PIK3C2B: variants seen among roughly 807,000 people sequenced by gnomAD.
PIK3C2B encodes the protein phosphatidylinositol 4-phosphate 3-kinase C2 domain-containing subunit beta.
PIK3C2B carries 83 observed loss-of-function variants against 184.3 expected under a neutral mutation model. The ratio of observed to expected loss-of-function variants is 0.45; its 90% CI spans 0.38 to 0.54. The LOEUF is 0.54. Ranked by LOEUF, PIK3C2B falls within the 20% of genes least tolerant of loss-of-function variation. PIK3C2B has a pLI of 0.00. For missense variants in PIK3C2B, 1,736 were observed against 2,113.5 expected, an observed-to-expected ratio of 0.82 and a Z score of 3.50; for synonymous variants, 779 against 837.6, an observed-to-expected ratio of 0.93 and a Z score of 1.21.
At chr1:204,484,708 TGGGCGACAAAGC>T (rs1244184210) in intron 1 of PIK3C2B, among the ~76,000 whole-genome samples, 1 of 151,766 alleles carries the variant, frequency 6.6e-6, no homozygotes, top group Non-Finnish European at 1.5e-5. Context: ...CACTCCAGCC[TGGGCGACAAAGC>T]GAGACTCCGT....
intron 1 of PIK3C2B, among the ~76,000 whole-genome samples, chr1:204,477,347 C>T (rs1656787034): frequency 6.6e-6 from 1 of 152,074 alleles, no homozygotes; most frequent in Non-Finnish European, 1.5e-5. Flanking sequence ...TCAGAACTCT[C>T]AGGAAGACAA....
rs1553314091 is a variant in PIK3C2B at position 204,493,524 on chromosome 1, A to ACAC, written c.-85+831_-85+832insGTG. 5.6e-5 allele frequency among the ~76,000 whole-genome samples: 8 copies of ACAC among 143,996 alleles called. No homozygotes were observed. In the South Asian group the frequency reaches 1.1e-3, roughly 21 times the overall value. The allele number at this position is 143,996 out of a possible 152,430, so 94.5% of individuals were successfully genotyped here. A position where few individuals can be genotyped will look rare whatever the true frequency, so the allele number is the denominator to read the frequency against. ...TGAAGGAGCAAGAGCAATGGCAGAAAACACACACACACACACACACACACA... is the reference window on the plus strand; with the variant it reads ...TGAAGGAGCAAGAGCAATGGCAGAAACACACACACACACACACACACACACACA... On this transcript the variant is annotated intron_variant, in intron 1 of 32. Transcript: ENST00000684373.
intron 10 of PIK3C2B, 104 bp downstream of exon 10, chr1:204,456,933 A>C: frequency 1.1e-6 from 1 of 888,872 alleles, no homozygotes; most frequent in South Asian, 1.6e-5. Flanking sequence ...CACCAGCCGA[A>C]CTCCGACACA....
rs1487888669 is a variant in PIK3C2B, at chr1:204,449,868, G to C, written c.2216C>G (p.Pro739Arg). ...VPEALGWVTT[P>R]LFNFRQVLTC... is the part of the protein sequence containing the mutation. ...CACATACTGCCTGAAGTTGAAGAGT[G>C]GGGTAGTGACCCAGCCCAGGGCTTC... The change falls in exon 13 of 33, where the codon CCA becomes CGA. Residue 739 changes from proline (P) to arginine (R), a missense_variant. Physicochemically the swap from Pro to Arg is moderately radical, Grantham distance 103 (BLOSUM62 -2). Transcript: ENST00000684373. 1.2e-6 allele frequency: 2 copies of C among 1,612,274 alleles called. No homozygotes were observed. Among genetic ancestry groups the C allele is most frequent in the East Asian group, 2.2e-5 (1 of 44,878 alleles).
intron 1 of PIK3C2B, 104 bp from the exon 2 acceptor site, chr1:204,469,990 T>C: frequency 5.1e-6 from 3 of 590,022 alleles, no homozygotes; most frequent in Non-Finnish European, 9.1e-6. Flanking sequence ...TGCCTGCTTC[T>C]TCGTTGTGTA....
chr1:204,451,009 C>T (rs1475129515), intron 12 of PIK3C2B, among the ~76,000 whole-genome samples: 2 of 152,232 alleles, frequency 1.3e-5, no homozygotes, highest in Non-Finnish European at 2.9e-5. Flanking sequence ...CCACCGCTGT[C>T]CTCCAGAGGA....
chr1:204,484,876 A>T (rs1353459390), intron 1 of PIK3C2B, among the ~76,000 whole-genome samples: 2 of 152,122 alleles, frequency 1.3e-5, no homozygotes, highest in South Asian at 2.1e-4. Context: ...CAAAGCAAAC[A>T]AACACACCCC....
At chr1:204,480,071 G>A (rs1455466216) in intron 1 of PIK3C2B, among the ~76,000 whole-genome samples, 1 of 152,246 alleles carries the variant, frequency 6.6e-6, no homozygotes, top group African/African-American at 2.4e-5. Flanking sequence ...GAGGCAGTGT[G>A]GAGGCGTACT....
intron 11 of PIK3C2B, among the ~76,000 whole-genome samples, chr1:204,455,338 G>A (rs747278347): frequency 1.9e-4 from 29 of 150,616 alleles, no homozygotes; most frequent in Non-Finnish European, 3.3e-4. Context: ...GTTGGGGAAA[G>A]GGGACCGGCA....
intron 1 of PIK3C2B, among the ~76,000 whole-genome samples, chr1:204,472,108 G>A (rs1426140996): frequency 3.9e-5 from 6 of 152,062 alleles, no homozygotes; most frequent in African/African-American, 1.4e-4. Context: ...GTAACGACAA[G>A]GTCAGTCTGG....
chr1:204,488,510 A>C (rs187570921), intron 1 of PIK3C2B, among the ~76,000 whole-genome samples: 4 of 152,354 alleles, frequency 2.6e-5, no homozygotes, highest in Admixed American at 2.0e-4. Context: ...TGAGTGAACT[A>C]AGTTTTCTCA....
At position 204,447,367 on chromosome 1, in the gene PIK3C2B, G is replaced by A; in HGVS notation, c.2489+69C>T. 1.3e-6 allele frequency: 2 copies of A among 1,485,718 alleles called. No individual in the cohort carries two copies. The highest frequency in any genetic ancestry group is 1.8e-5 in the Admixed American group (1 of 57,028). 92.0% of individuals were successfully genotyped at this position (1,485,718 alleles called of 1,614,324 possible). A position where few individuals can be genotyped will look rare whatever the true frequency, so the allele number is the denominator to read the frequency against. On this transcript the variant is annotated intron_variant, in intron 15 of 32. Transcript: ENST00000684373. The surrounding 1 kb of genome is among the most constrained non-coding windows in gnomAD (Gnocchi z 4.1). ...CCTTCCCACCTCCACTCCCAAAGCA[G>A]GAGGACGGAGACTCAGTGCTGGGAG...
chr1:204,449,961 G>A lies in PIK3C2B; in HGVS notation c.2123C>T (p.Thr708Ile), dbSNP rs1468005548. 1 of 1,607,920 alleles carries A rather than the reference G, an allele frequency of 6.2e-7. No individual in the cohort carries two copies. Among genetic ancestry groups the A allele is most frequent in the Non-Finnish European group, 8.5e-7 (1 of 1,177,342 alleles). Residue 708 changes from threonine to isoleucine, a missense_variant, in exon 13 of 33, where the codon ACT (threonine) becomes ATT (isoleucine). This residue lies in a region of PIK3C2B where 609 missense variants were observed against 699.2 expected (regional missense o/e 0.87). Transcript: ENST00000684373. ...RLPRETLLCA[T>I]LYALPIPPPG... Reference sequence around the variant, plus strand: ...TGGGGGGATGGGCAGAGCATAGAGAGTGGCACACAGCAGTGTCTCCCGAGG... The same window carrying A: ...TGGGGGGATGGGCAGAGCATAGAGAATGGCACACAGCAGTGTCTCCCGAGG...
intron 13 of PIK3C2B, 133 bp downstream of exon 13, chr1:204,449,717 T>C (rs1654187494): frequency 1.3e-6 from 1 of 796,790 alleles, no homozygotes; most frequent in South Asian, 1.9e-5. Context: ...TTGGGGATCC[T>C]CTGGACTTCA....
rs28561669 is a variant in PIK3C2B, at chr1:204,432,410, A to G, written c.3954-9T>C. ...GGCTGGACTCAATCAACCTGGCAGG[A>G]GGATAAGAAAAGAGGATATAACCAT... On this transcript the variant is annotated splice_polypyrimidine_tract_variant and intron_variant, in intron 26 of 32. Coordinates refer to ENST00000684373, the MANE Select transcript of PIK3C2B (RefSeq NM_001377334.1). 6.2e-7 allele frequency: 1 copy of G among 1,613,182 alleles called. No homozygotes were observed. The highest frequency in any genetic ancestry group is 8.5e-7 in the Non-Finnish European group (1 of 1,179,328).
chr1:204,425,859 C>T (rs745873059), intron 31 of PIK3C2B, 118 bp from the exon 32 acceptor site: 35 of 862,238 alleles, frequency 4.1e-5, no homozygotes, highest in Non-Finnish European at 6.3e-5. Context: ...TCTTGCAATG[C>T]ACAACTAATT....
intron 14 of PIK3C2B, among the ~76,000 whole-genome samples, chr1:204,448,374 T>C (rs907672177): frequency 6.6e-6 from 1 of 152,092 alleles, no homozygotes; most frequent in Non-Finnish European, 1.5e-5. Context: ...AGTGCTGGGA[T>C]TGCAGGCATG....
At chr1:204,463,871 CGA>C (rs1655531198) in intron 5 of PIK3C2B, 139 bp downstream of exon 5, 2 of 864,806 alleles carry the variant, frequency 2.3e-6, no homozygotes, top group Admixed American at 2.5e-5. Context: ...GCTACGTGGC[CGA>C]GAGTGTGCCC....
intron 22 of PIK3C2B, among the ~76,000 whole-genome samples, chr1:204,439,291 T>C (rs1675517242): frequency 6.6e-6 from 1 of 152,378 alleles, no homozygotes; most frequent in Admixed American, 6.5e-5. Flanking sequence ...TCATAGCTGC[T>C]GCTCCCTTTG....
Sources: gnomAD v4.1 joint callset for allele counts (sites outside exome capture counted in the v4.1 genomes callset) on GRCh38, gnomAD v4.1.1 for gene constraint, gnomAD v4.1.1 regional missense constraint, Gnocchi (gnomAD v3.1) non-coding constraint, MANE v1.5 for transcripts, NCBI Gene and HGNC (gene_info 2026-07-23, HGNC 2026-07-21) for gene names.